Variants in ZNF766 observed in about 807,000 individuals in gnomAD.
ZNF766 encodes the protein zinc finger protein 766.
In ZNF766, 13 loss-of-function variants were observed where a neutral mutation model predicts 13.2. The ratio of observed to expected loss-of-function variants is 0.98; its 90% CI spans 0.64 to 1.56. The LOEUF is 1.56. Among genes scored for constraint, ZNF766 ranks in the 40% most tolerant of loss-of-function variants. The pLI is 0.00. For missense variants in ZNF766, 521 were observed against 552.2 expected, an observed-to-expected ratio of 0.94 and a Z score of 0.57; for synonymous variants, 178 against 187.6, an observed-to-expected ratio of 0.95 and a Z score of 0.42.
At chr19:52,270,802 A>AT (rs1980941732) in intron 1 of ZNF766, among the ~76,000 whole-genome samples, 4 of 151,844 alleles carry the variant, frequency 2.6e-5, no homozygotes, top group Middle Eastern at 6.8e-3. Context: ...AAAAGAAGGA[A>AT]TAGAGGGAAG....
intron 1 of ZNF766, chr19:52,277,012 A>G: frequency 2.7e-6 from 2 of 731,908 alleles, no homozygotes; most frequent in Non-Finnish European, 3.3e-6. Flanking sequence ...GTAGGAGTTT[A>G]TTGTCCCGGC....
chr19:52,291,990 C>G lies in ZNF766; in HGVS notation c.*792C>G, dbSNP rs534249013. On this transcript the variant is annotated 3_prime_UTR_variant, in exon 4 of 4. Transcript: ENST00000439461. ...AAGAGGCCGAGGCAAGAGGATTGCT[C>G]AAGCCCAGGAGTTTGAGAGTTTGAG... 1 of 581,608 alleles carries G rather than the reference C, an allele frequency of 1.7e-6. No homozygotes were observed. Among genetic ancestry groups the G allele is most frequent in the African/African-American group, 1.9e-5 (1 of 53,140 alleles). 36.0% of individuals were successfully genotyped at this position (581,608 alleles called of 1,614,324 possible). A position where few individuals can be genotyped will look rare whatever the true frequency, so the allele number is the denominator to read the frequency against.
intron 1 of ZNF766, among the ~76,000 whole-genome samples, chr19:52,278,695 G>A (rs1220859805): frequency 3.3e-5 from 5 of 152,120 alleles, no homozygotes; most frequent in African/African-American, 9.7e-5. Flanking sequence ...ATGAGCCACC[G>A]CACCTGGCCC....
At chr19:52,282,383 C>T (rs984644557) in intron 2 of ZNF766, 146 bp downstream of exon 2, 2 of 982,718 alleles carry the variant, frequency 2.0e-6, no homozygotes. Flanking sequence ...TGCCTGTAAT[C>T]CCAGCACTTT....
At chr19:52,283,953 G>T (rs1233498230) in intron 3 of ZNF766, among the ~76,000 whole-genome samples, 1 of 152,146 alleles carries the variant, frequency 6.6e-6, no homozygotes, top group African/African-American at 2.4e-5. Context: ...AGCCAGGATG[G>T]TCTCAATCTC....
chr19:52,279,336 A>G (rs957620097), intron 1 of ZNF766, among the ~76,000 whole-genome samples: 12 of 152,188 alleles, frequency 7.9e-5, no homozygotes, highest in Admixed American at 2.6e-4. Context: ...CTTTTTGCTC[A>G]GGATTGCCTT....
chr19:52,276,928 C>G (rs1981231095), intron 1 of ZNF766, among the ~76,000 whole-genome samples: 1 of 152,114 alleles, frequency 6.6e-6, no homozygotes, highest in Non-Finnish European at 1.5e-5. Context: ...CCCACTGCTG[C>G]AGTGTGTGTG....
intron 1 of ZNF766, among the ~76,000 whole-genome samples, chr19:52,272,763 A>G (rs751159459): frequency 1.3e-5 from 2 of 152,020 alleles, no homozygotes; most frequent in African/African-American, 2.4e-5. Context: ...AACCCCATCT[A>G]CCTGTCTCCA....
chr19:52,287,089 C>A (rs1360124765), intron 3 of ZNF766, among the ~76,000 whole-genome samples: 1 of 152,120 alleles, frequency 6.6e-6, no homozygotes, highest in Non-Finnish European at 1.5e-5. Flanking sequence ...CCTGCCTCAG[C>A]CTCCCAAAGT....
intron 3 of ZNF766, among the ~76,000 whole-genome samples, chr19:52,283,758 AGAT>A (rs1372568999): frequency 1.3e-5 from 2 of 152,044 alleles, no homozygotes; most frequent in Non-Finnish European, 1.5e-5. Flanking sequence ...ATTTATTTTG[AGAT>A]GGAGTCTTGC....
intron 1 of ZNF766, among the ~76,000 whole-genome samples, chr19:52,275,010 C>G (rs1410069592): frequency 6.6e-6 from 1 of 152,136 alleles, no homozygotes. Context: ...ATGCATTATC[C>G]GCTCATAAGA....
chr19:52,271,980 CAAAA>C (rs371229113), intron 1 of ZNF766, among the ~76,000 whole-genome samples: 19,963 of 89,000 alleles, frequency 0.22, 1,667 homozygotes, highest in African/African-American at 0.36. Context: ...GAGACTGTCT[CAAAA>C]AAAAAAAAAA....
chr19:52,293,477 G>T lies in ZNF766; in HGVS notation c.*2279G>T, dbSNP rs1411222925. 1 of 151,886 alleles carries T rather than the reference G, an allele frequency of 6.6e-6. No homozygotes were observed. The highest frequency in any genetic ancestry group is 1.5e-5 in the Non-Finnish European group (1 of 67,946). The allele number at this position is 151,886 out of a possible 1,614,324, so 9.4% of individuals were successfully genotyped here. A position where few individuals can be genotyped will look rare whatever the true frequency, so the allele number is the denominator to read the frequency against. The stretch of plus-strand genomic sequence containing the variant: ...GGCATGAGCCACGGCGCCTGGCCAG[G>T]ATTTTTAAGGTTGAAGCATCCACAA... On this transcript the variant is annotated 3_prime_UTR_variant, in exon 4 of 4. Transcript: ENST00000439461.
rs1981257160 is a variant in ZNF766, at chr19:52,277,341, C to T, written c.19-4770C>T. ...GGGCGTGTTGGCGGGCACCTGTAGT[C>T]CCAGCTACTCAGGAGGCTGAGGCAG... On this transcript the variant is annotated intron_variant, in intron 1 of 3. Coordinates refer to ENST00000439461, the MANE Select transcript of ZNF766 (RefSeq NM_001010851.3). 31 of 958,580 alleles carry T rather than the reference C, an allele frequency of 3.2e-5. No homozygotes were observed. The South Asian group carries it at 5.2e-4, about 16-fold the overall frequency. 59.4% of individuals were successfully genotyped at this position (958,580 alleles called of 1,614,324 possible).
intron 1 of ZNF766, among the ~76,000 whole-genome samples, chr19:52,276,623 T>G (rs977688162): frequency 6.6e-6 from 1 of 152,214 alleles, no homozygotes; most frequent in African/African-American, 2.4e-5. Flanking sequence ...TGAGCATTGA[T>G]GTTGGCAATT....
At chr19:52,286,220 C>T (rs1256988671) in intron 3 of ZNF766, among the ~76,000 whole-genome samples, 2 of 149,244 alleles carry the variant, frequency 1.3e-5, no homozygotes, top group Non-Finnish European at 3.0e-5. Flanking sequence ...AGCCTTCATT[C>T]TTTCAATATT....
intron 1 of ZNF766, among the ~76,000 whole-genome samples, chr19:52,272,255 C>T (rs967210322): frequency 1.3e-5 from 2 of 152,116 alleles, no homozygotes; most frequent in Non-Finnish European, 2.9e-5. Flanking sequence ...CTCTGTGTTT[C>T]GAAGTCCAAT....
intron 3 of ZNF766, among the ~76,000 whole-genome samples, chr19:52,288,974 G>T (rs149862837): frequency 7.4e-4 from 112 of 151,820 alleles, no homozygotes; most frequent in African/African-American, 2.6e-3. Flanking sequence ...TCAGCCTCCT[G>T]AGTAGCTGGG....
At chr19:52,280,887 A>T (rs62110405) in intron 1 of ZNF766, among the ~76,000 whole-genome samples, 55,401 of 146,984 alleles carry the variant, frequency 0.38, 10,730 homozygotes, top group African/African-American at 0.45. Flanking sequence ...GCCGTGCGTG[A>T]TGGCTCACGC....
Sources: allele counts gnomAD v4.1 joint callset (sites outside exome capture counted in the v4.1 genomes callset), GRCh38; gene constraint gnomAD v4.1.1; transcripts MANE v1.5; gene names NCBI Gene and HGNC (gene_info 2026-07-23, HGNC 2026-07-21).